Variants in NCOA2 observed in about 807,000 individuals in gnomAD.
NCOA2 encodes the protein class E basic helix-loop-helix protein 75.
Under a neutral mutation model 145.1 loss-of-function variants are expected in NCOA2, and 21 were observed. The ratio of observed to expected loss-of-function variants is 0.14; its 90% CI spans 0.10 to 0.21. The LOEUF is 0.21. NCOA2 is among the 10% of genes least tolerant of loss of function. The pLI is 1.00. For synonymous variants in NCOA2, 619 were observed against 637.5 expected, an observed-to-expected ratio of 0.97 and a Z score of 0.44; for missense variants, 1,472 against 1,837.6, an observed-to-expected ratio of 0.80 and a Z score of 3.64.
At chr8:70,227,682 C>T (rs189710503) in intron 2 of NCOA2, among the ~76,000 whole-genome samples, 4 of 152,164 alleles carry the variant, frequency 2.6e-5, no homozygotes, top group East Asian at 3.9e-4. Flanking sequence ...AACAGAAGCT[C>T]CCCTGCTCCA....
intron 1 of NCOA2, among the ~76,000 whole-genome samples, chr8:70,326,765 G>A (rs1462065777): frequency 2.0e-5 from 3 of 152,136 alleles, no homozygotes; most frequent in Non-Finnish European, 4.4e-5. Flanking sequence ...TCATCCAGAT[G>A]CATAAAGAAG....
At chr8:70,357,716 C>A (rs1318171728) in intron 1 of NCOA2, among the ~76,000 whole-genome samples, 6 of 149,926 alleles carry the variant, frequency 4.0e-5, no homozygotes. Flanking sequence ...GCACTGTAGC[C>A]TGGGCGACAG....
chr8:70,220,370 C>G (rs1394565444), intron 2 of NCOA2, among the ~76,000 whole-genome samples: 1 of 152,124 alleles, frequency 6.6e-6, no homozygotes, highest in Non-Finnish European at 1.5e-5. Flanking sequence ...GAGAGCAAAC[C>G]AGTTTCTACC....
intron 1 of NCOA2, among the ~76,000 whole-genome samples, chr8:70,313,708 T>A (rs985825975): frequency 4.6e-5 from 7 of 152,178 alleles, no homozygotes; most frequent in African/African-American, 1.7e-4. Flanking sequence ...TTTTTAGGAA[T>A]AGAAGTACTC....
At chr8:70,395,586 C>T (rs1813583705) in intron 1 of NCOA2, among the ~76,000 whole-genome samples, 1 of 152,172 alleles carries the variant, frequency 6.6e-6, no homozygotes, top group Admixed American at 6.5e-5. Context: ...CCTTTTTAAG[C>T]ATATTAACAG....
chr8:70,315,363 T>C (rs905514032), intron 1 of NCOA2, among the ~76,000 whole-genome samples: 1 of 152,032 alleles, frequency 6.6e-6, no homozygotes, highest in Admixed American at 6.6e-5. Context: ...ATTAAAACAC[T>C]AAAAGTGGTT....
chr8:70,222,399 G>C (rs1000321118), intron 2 of NCOA2, among the ~76,000 whole-genome samples: 1 of 152,182 alleles, frequency 6.6e-6, no homozygotes, highest in Non-Finnish European at 1.5e-5. Flanking sequence ...ACTGGCTTTA[G>C]CACCTACCTT....
At chr8:70,405,782 CT>C (rs1814762768), upstream of NCOA2, among the ~76,000 whole-genome samples, 1 of 152,154 alleles carries the variant, frequency 6.6e-6, no homozygotes, top group Non-Finnish European at 1.5e-5. Context: ...AGATTTCACA[CT>C]TTTTAAAACT....
At chr8:70,264,850 T>G (rs1824442865) in intron 2 of NCOA2, among the ~76,000 whole-genome samples, 1 of 151,846 alleles carries the variant, frequency 6.6e-6, no homozygotes, top group Non-Finnish European at 1.5e-5. Context: ...AAACCCATAA[T>G]GTTATAGGAA....
At chr8:70,259,324 T>C (rs1409286814) in intron 2 of NCOA2, among the ~76,000 whole-genome samples, 2 of 152,200 alleles carry the variant, frequency 1.3e-5, no homozygotes, top group Non-Finnish European at 2.9e-5. Context: ...AAACTATTCA[T>C]GTTATATCAT....
chr8:70,455,015 C>A, the NCOA2 span, among the ~76,000 whole-genome samples: 1 of 152,192 alleles, frequency 6.6e-6, no homozygotes, highest in East Asian at 1.9e-4. Flanking sequence ...GGCTTTCGTA[C>A]TAGTAACTTT....
chr8:70,206,982 G>T (rs150316298), intron 4 of NCOA2, among the ~76,000 whole-genome samples: 1 of 152,004 alleles, frequency 6.6e-6, no homozygotes, highest in Admixed American at 6.6e-5. Flanking sequence ...CCTTTCCATT[G>T]TTCCCTACAG....
the NCOA2 span, among the ~76,000 whole-genome samples, chr8:70,450,339 A>C: frequency 0.039 from 5,873 of 152,266 alleles, 354 homozygotes; most frequent in African/African-American, 0.13. Context: ...CTTATAAAGG[A>C]GACTCCTGAA....
At chr8:70,218,200 T>TTG (rs1819817422) in intron 2 of NCOA2, among the ~76,000 whole-genome samples, 1 of 5,918 alleles carries the variant, frequency 1.7e-4, no homozygotes, top group South Asian at 1.3e-3. Flanking sequence ...GTGGAGTTAG[T>TTG]TTTTTTTTTT....
At chr8:70,184,806 A>T (rs6472512) in intron 4 of NCOA2, among the ~76,000 whole-genome samples, 136,048 of 152,166 alleles carry the variant, frequency 0.89, 61,268 homozygotes, top group African/African-American at 0.95. Context: ...AAGGCTTCAC[A>T]CCCAGGCCGC....
chr8:70,410,216 A>C, the NCOA2 span, among the ~76,000 whole-genome samples: 1 of 152,196 alleles, frequency 6.6e-6, no homozygotes, highest in East Asian at 1.9e-4. Flanking sequence ...GTCCAAAAAA[A>C]AACAAAAAAC....
At chr8:70,425,077 A>C in the NCOA2 span, among the ~76,000 whole-genome samples, 4 of 152,204 alleles carry the variant, frequency 2.6e-5, no homozygotes, top group African/African-American at 9.6e-5. Flanking sequence ...GGTAGGTGAT[A>C]GGCGATGACA....
At chr8:70,242,836 C>A (rs1048034978) in intron 2 of NCOA2, among the ~76,000 whole-genome samples, 21 of 152,080 alleles carry the variant, frequency 1.4e-4, no homozygotes, top group African/African-American at 5.1e-4. Context: ...CTTTTTCTTA[C>A]CCTATCTATT....
chr8:70,443,573 T>G, the NCOA2 span, among the ~76,000 whole-genome samples: 1 of 152,064 alleles, frequency 6.6e-6, no homozygotes, highest in Admixed American at 6.6e-5. Context: ...TGTAAAATTT[T>G]GTTTAGAGAC....
Sources: allele counts gnomAD v4.1 joint callset (sites outside exome capture counted in the v4.1 genomes callset), GRCh38; gene constraint gnomAD v4.1.1; transcripts MANE v1.5; gene names NCBI Gene and HGNC (gene_info 2026-07-23, HGNC 2026-07-21).